Variants in PTPRG observed in about 807,000 individuals in gnomAD.
PTPRG encodes receptor-type tyrosine-protein phosphatase gamma.
A neutral mutation model predicts 165.3 loss-of-function variants in PTPRG; 102 were observed. That is an observed-to-expected ratio of 0.62 (90% confidence interval 0.53 to 0.73). The LOEUF is 0.73. Ranked by LOEUF, PTPRG falls within the 30% of genes least tolerant of loss-of-function variation. PTPRG has a pLI of 0.00. For missense variants in PTPRG, 1,866 were observed against 1,861.4 expected (o/e 1.00, Z -0.05); for synonymous variants, 675 against 669.5 (o/e 1.01, Z -0.13).
intron 2 of PTPRG, among the ~76,000 whole-genome samples, chr3:61,932,023 T>C (rs6792266): frequency 0.21 from 31,930 of 152,174 alleles, 5,233 homozygotes; most frequent in East Asian, 0.44. Context: ...TCATTTTTTA[T>C]TTTTTTACTA....
At chr3:61,692,542 G>A (rs1332349281) in intron 1 of PTPRG, among the ~76,000 whole-genome samples, 1 of 152,134 alleles carries the variant, frequency 6.6e-6, no homozygotes, top group Non-Finnish European at 1.5e-5. Flanking sequence ...TATTTCACCT[G>A]GGTACAGGCG....
intron 4 of PTPRG, among the ~76,000 whole-genome samples, chr3:62,067,238 TG>T (rs1356999720): frequency 6.9e-6 from 1 of 145,604 alleles, no homozygotes; most frequent in Admixed American, 7.2e-5. Flanking sequence ...ATGGACATTC[TG>T]GGTGGATAAT....
At chr3:61,670,027 T>G (rs1702925828) in intron 1 of PTPRG, among the ~76,000 whole-genome samples, 1 of 152,212 alleles carries the variant, frequency 6.6e-6, no homozygotes, top group Non-Finnish European at 1.5e-5. Flanking sequence ...ATTGGACACC[T>G]TGATTCAATC....
At chr3:61,648,585 G>A (rs1172490758) in intron 1 of PTPRG, among the ~76,000 whole-genome samples, 1 of 152,252 alleles carries the variant, frequency 6.6e-6, no homozygotes, top group Non-Finnish European at 1.5e-5. Context: ...GGGTGTTTGA[G>A]TGGGGTGACC....
At chr3:62,064,150 C>T (rs17768263) in intron 4 of PTPRG, among the ~76,000 whole-genome samples, 58,246 of 151,872 alleles carry the variant, frequency 0.38, 12,515 homozygotes, top group Middle Eastern at 0.52. Flanking sequence ...CGATGAGCTA[C>T]ATTTTTAGAG....
At chr3:62,015,803 T>A (rs2041530196) in intron 4 of PTPRG, among the ~76,000 whole-genome samples, 1 of 152,122 alleles carries the variant, frequency 6.6e-6, no homozygotes, top group African/African-American at 2.4e-5. Flanking sequence ...TGATTCCAAT[T>A]GTTTTGAAGG....
At chr3:62,243,944 T>A (rs1401625307) in intron 15 of PTPRG, 46 bp downstream of exon 15, 1 of 1,167,734 alleles carries the variant, frequency 8.6e-7, no homozygotes, top group African/African-American at 1.5e-5. Context: ...ATTGTTTTTC[T>A]CTTTTATTCT....
intron 1 of PTPRG, among the ~76,000 whole-genome samples, chr3:61,648,853 G>T (rs1295746945): frequency 6.6e-6 from 1 of 152,154 alleles, no homozygotes; most frequent in East Asian, 1.9e-4. Flanking sequence ...TGCTGGTGAG[G>T]CAATCTCCAC....
rs7650756 is a variant in PTPRG at position 62,124,795 on chromosome 3, T to A, written c.616-7807T>A. Among the ~76,000 whole-genome samples the A allele has an allele frequency of 4.6e-3, 698 of 152,304 alleles. 4 individuals are homozygous for A. Among genetic ancestry groups the A allele is most frequent in the African/African-American group, 0.015 (622 of 41,568 alleles). On this transcript the variant is annotated intron_variant, in intron 5 of 29. Coordinates refer to ENST00000474889, the MANE Select transcript of PTPRG (RefSeq NM_002841.4). ...CTGGTCTCAAACTCCTGGCCTCAAATGATCCTCCTGCCTCAGCCTCCCAAA... is the reference window on the plus strand; with the variant it reads ...CTGGTCTCAAACTCCTGGCCTCAAAAGATCCTCCTGCCTCAGCCTCCCAAA...
chr3:62,121,535 A>C (rs1401291853), intron 5 of PTPRG, among the ~76,000 whole-genome samples: 1 of 152,164 alleles, frequency 6.6e-6, no homozygotes, highest in Non-Finnish European at 1.5e-5. Flanking sequence ...CCACTACACT[A>C]GTCTTAGGTA....
chr3:61,670,139 G>A (rs895051845), intron 1 of PTPRG, among the ~76,000 whole-genome samples: 1 of 152,146 alleles, frequency 6.6e-6, no homozygotes, highest in Admixed American at 6.5e-5. Flanking sequence ...GGTGTGTTAG[G>A]GGCAGATAAA....
chr3:61,726,882 C>T (rs1165272799), intron 1 of PTPRG, among the ~76,000 whole-genome samples: 1 of 152,086 alleles, frequency 6.6e-6, no homozygotes, highest in Non-Finnish European at 1.5e-5. Flanking sequence ...CCCGTCTCTA[C>T]TGAAAATACA....
intron 1 of PTPRG, among the ~76,000 whole-genome samples, chr3:61,709,306 TTTTTA>T (rs1489428488): frequency 6.6e-6 from 1 of 152,236 alleles, no homozygotes; most frequent in East Asian, 1.9e-4. Context: ...TGCATTTTAT[TTTTTA>T]TTTTATTTAT....
intron 14 of PTPRG, among the ~76,000 whole-genome samples, chr3:62,243,098 A>T (rs1701202290): frequency 6.6e-6 from 1 of 152,128 alleles, no homozygotes; most frequent in South Asian, 2.1e-4. Context: ...AGGGCCAGCC[A>T]GCATCGGAGG....
chr3:61,974,726 T>G (rs1441070259), intron 2 of PTPRG, among the ~76,000 whole-genome samples: 1 of 152,210 alleles, frequency 6.6e-6, no homozygotes, highest in Non-Finnish European at 1.5e-5. Context: ...TTGGTACTTT[T>G]GTTAATACAT....
At chr3:61,953,259 C>G (rs1449222805) in intron 2 of PTPRG, among the ~76,000 whole-genome samples, 4 of 152,166 alleles carry the variant, frequency 2.6e-5, no homozygotes, top group Admixed American at 2.6e-4. Flanking sequence ...GAGCCTTACT[C>G]TTCTCCCACC....
intron 1 of PTPRG, among the ~76,000 whole-genome samples, chr3:61,731,486 C>T (rs1420503028): frequency 1.2e-4 from 18 of 151,692 alleles, no homozygotes; most frequent in Admixed American, 1.1e-3. Flanking sequence ...GTAGCTGGGA[C>T]TACAGGCACG....
chr3:62,067,440 C>T (rs563895344), intron 4 of PTPRG, among the ~76,000 whole-genome samples: 243 of 152,166 alleles, frequency 1.6e-3, no homozygotes, highest in African/African-American at 5.7e-3. Flanking sequence ...AATTTTTCCA[C>T]GGACCTTGTC....
intron 2 of PTPRG, among the ~76,000 whole-genome samples, chr3:61,933,036 A>G (rs2039399496): frequency 6.6e-6 from 1 of 152,210 alleles, no homozygotes; most frequent in Admixed American, 6.5e-5. Context: ...TTGTGGTCAG[A>G]CAAGCAAAAC....
Sources: gnomAD v4.1 joint callset for allele counts (sites outside exome capture counted in the v4.1 genomes callset) on GRCh38, gnomAD v4.1.1 for gene constraint, MANE v1.5 for transcripts, NCBI Gene and HGNC (gene_info 2026-07-23, HGNC 2026-07-21) for gene names.